Variants in ADAMTS20 observed in about 807,000 individuals in gnomAD.
The protein encoded by ADAMTS20 is A disintegrin and metalloproteinase with thrombospondin motifs 20.
In ADAMTS20, 225 loss-of-function variants were observed where a neutral mutation model predicts 260.1. The observed-to-expected ratio is 0.87, with a 90% CI of 0.78 to 0.97. The LOEUF is 0.97. Ranked by LOEUF, ADAMTS20 falls within the 50% of genes least tolerant of loss-of-function variation. The pLI is 0.00. For missense variants in ADAMTS20, 2,400 were observed against 2,337.7 expected (o/e 1.03, Z -0.55); for synonymous variants, 802 against 769.5 (o/e 1.04, Z -0.70).
chr12:43,396,188 C>T (rs567098591), intron 29 of ADAMTS20, among the ~76,000 whole-genome samples: 17 of 151,888 alleles, frequency 1.1e-4, no homozygotes, highest in Admixed American at 2.0e-4. Context: ...CATTAAAATG[C>T]GTTACTAAAT....
At chr12:43,412,578 C>A (rs913126606) in intron 28 of ADAMTS20, among the ~76,000 whole-genome samples, 7 of 152,104 alleles carry the variant, frequency 4.6e-5, no homozygotes, top group African/African-American at 1.7e-4. Flanking sequence ...AAGATTGACA[C>A]CTTGCCAATT....
intron 2 of ADAMTS20, among the ~76,000 whole-genome samples, chr12:43,545,651 G>T (rs558899384): frequency 6.6e-6 from 1 of 152,252 alleles, no homozygotes; most frequent in South Asian, 2.1e-4. Flanking sequence ...GGGATATCAT[G>T]GCAGACCTGT....
At chr12:43,538,030 AC>A (rs1400138980) in intron 2 of ADAMTS20, among the ~76,000 whole-genome samples, 55 of 152,312 alleles carry the variant, frequency 3.6e-4, no homozygotes, top group African/African-American at 1.3e-3. Flanking sequence ...TTGGGTGTAT[AC>A]CCAGCAGTGG....
In ADAMTS20 at chr12:43,528,361, A is replaced by C. The variant is rs1189029526; in HGVS notation, c.613+3675T>G. 1.5e-4 allele frequency among the ~76,000 whole-genome samples: 22 copies of C among 147,536 alleles called. 1 individual carries two copies. Among genetic ancestry groups the C allele is most frequent in the Non-Finnish European group, 4.5e-5 (3 of 66,578 alleles). ...GGCAATCCTAAGCAAAAAAAAAAAA[A>C]AAAAAAAAAAAAACACAAATCCGGA... On this transcript the variant is annotated intron_variant, in intron 3 of 38. Coordinates refer to ENST00000389420, the MANE Select transcript of ADAMTS20 (RefSeq NM_025003.5).
At chr12:43,427,277 T>C (rs759458299) in intron 27 of ADAMTS20, 31 bp downstream of exon 27, 6 of 1,605,490 alleles carry the variant, frequency 3.7e-6, no homozygotes, top group Admixed American at 1.7e-5. Flanking sequence ...GATGTAATAA[T>C]CTCACAAGTT....
intron 36 of ADAMTS20, among the ~76,000 whole-genome samples, chr12:43,369,703 G>A (rs947432571): frequency 6.6e-6 from 1 of 152,000 alleles, no homozygotes; most frequent in Non-Finnish European, 1.5e-5. Flanking sequence ...GTAAAGTGGG[G>A]TCAGGAGCAA....
intron 3 of ADAMTS20, among the ~76,000 whole-genome samples, chr12:43,519,033 G>A (rs750284994): frequency 6.6e-6 from 1 of 151,920 alleles, no homozygotes; most frequent in Non-Finnish European, 1.5e-5. Flanking sequence ...GCTTTTGCTT[G>A]TTCCCCTAGT....
intron 3 of ADAMTS20, among the ~76,000 whole-genome samples, chr12:43,506,275 C>T (rs1942840894): frequency 6.6e-6 from 1 of 151,484 alleles, no homozygotes; most frequent in Admixed American, 6.6e-5. Context: ...AAATGAGATA[C>T]TTAAAATAGT....
chr12:43,370,817 T>G (rs920772442), intron 36 of ADAMTS20, among the ~76,000 whole-genome samples: 5 of 152,218 alleles, frequency 3.3e-5, no homozygotes, highest in Admixed American at 6.5e-5. Context: ...TCACTAATTC[T>G]CACACCCCTT....
chr12:43,520,492 G>A (rs1943056684), intron 3 of ADAMTS20, among the ~76,000 whole-genome samples: 2 of 152,036 alleles, frequency 1.3e-5, no homozygotes, highest in African/African-American at 2.4e-5. Context: ...AGCAAAGTGT[G>A]CCAGTTAAGC....
intron 27 of ADAMTS20, 103 bp downstream of exon 27, chr12:43,427,205 C>T: frequency 7.6e-7 from 1 of 1,309,766 alleles, no homozygotes; most frequent in South Asian, 1.7e-5. Flanking sequence ...TCTTTTTCTA[C>T]ATAGTATAGT....
At chr12:43,427,571 C>T in intron 26 of ADAMTS20, 102 bp from the exon 27 acceptor site, 2 of 1,138,584 alleles carry the variant, frequency 1.8e-6, no homozygotes, top group Non-Finnish European at 2.4e-6. Context: ...CAAAATCAAA[C>T]CCTACATTAG....
intron 18 of ADAMTS20, among the ~76,000 whole-genome samples, chr12:43,435,412 G>A (rs1565697222): frequency 6.6e-6 from 1 of 151,944 alleles, no homozygotes; most frequent in Admixed American, 6.6e-5. Context: ...AAGCTGAGGC[G>A]GGCGGATCAC....
chr12:43,361,403 T>C (rs1939864048), intron 37 of ADAMTS20, among the ~76,000 whole-genome samples: 1 of 152,248 alleles, frequency 6.6e-6, no homozygotes, highest in South Asian at 2.1e-4. Context: ...TGGGCACAGC[T>C]CCTTTTGACA....
At chr12:43,453,779 G>T in intron 12 of ADAMTS20, 128 bp downstream of exon 12, 2 of 971,364 alleles carry the variant, frequency 2.1e-6, no homozygotes, top group Non-Finnish European at 3.0e-6. Flanking sequence ...GACTTAAAGT[G>T]CTCCAGAAAT....
At chr12:43,362,904 A>C (rs1397200703) in intron 37 of ADAMTS20, among the ~76,000 whole-genome samples, 1 of 151,974 alleles carries the variant, frequency 6.6e-6, no homozygotes, top group African/African-American at 2.4e-5. Context: ...GGAAAAGGCA[A>C]GAAAACAGAT....
At chr12:43,385,500 G>GC (rs1940452795) in intron 29 of ADAMTS20, among the ~76,000 whole-genome samples, 2 of 152,152 alleles carry the variant, frequency 1.3e-5, no homozygotes. Flanking sequence ...TGCTTTTGGT[G>GC]TTTTAGTCAT....
intron 24 of ADAMTS20, 81 bp downstream of exon 24, chr12:43,429,536 T>C: frequency 2.1e-6 from 2 of 965,248 alleles, no homozygotes. Context: ...GTATACATTG[T>C]GAAATCTCTA....
At chr12:43,463,206 T>A (rs966903389) in intron 10 of ADAMTS20, among the ~76,000 whole-genome samples, 17 of 152,330 alleles carry the variant, frequency 1.1e-4, no homozygotes, top group East Asian at 3.9e-4. Context: ...TAAAACTTTT[T>A]AAAAAAATTT....
Sources: gnomAD v4.1 joint callset for allele counts (sites outside exome capture counted in the v4.1 genomes callset) on GRCh38, gnomAD v4.1.1 for gene constraint, MANE v1.5 for transcripts, NCBI Gene and HGNC (gene_info 2026-07-23, HGNC 2026-07-21) for gene names.